The following TFDP1 variants were observed in gnomAD, a reference collection of about 807,000 sequenced individuals.
TFDP1 encodes DRTF1-polypeptide 1.
In TFDP1, 6 loss-of-function variants were observed where a neutral mutation model predicts 48.0. That is an observed-to-expected ratio of 0.13 (90% CI 0.07 to 0.25). The LOEUF (loss-of-function observed/expected upper bound fraction) is 0.25. Ranked by LOEUF, TFDP1 falls within the 10% of genes least tolerant of loss-of-function variation. The probability of loss-of-function intolerance (pLI) is 1.00; values close to 1 mark genes in which losing one functional copy is unlikely to be tolerated. For missense variants in TFDP1, 335 were observed against 543.0 expected (o/e 0.62, Z 3.81); for synonymous variants, 201 against 211.6 (o/e 0.95, Z 0.44).
At chr13:113,622,588 G>A (rs977281896) in intron 3 of TFDP1, among the ~76,000 whole-genome samples, 10 of 152,116 alleles carry the variant, frequency 6.6e-5, no homozygotes, top group Admixed American at 1.3e-4. Flanking sequence ...TTTATCCACC[G>A]CCCTGTCCCT....
intron 2 of TFDP1, among the ~76,000 whole-genome samples, chr13:113,609,286 C>T (rs2048647601): frequency 6.6e-6 from 1 of 152,242 alleles, no homozygotes; most frequent in African/African-American, 2.4e-5. Context: ...CCCCCCTGCA[C>T]ATCCTACCTC....
intron 4 of TFDP1, among the ~76,000 whole-genome samples, chr13:113,630,496 C>T (rs2049306871): frequency 6.6e-6 from 1 of 152,092 alleles, no homozygotes; most frequent in Non-Finnish European, 1.5e-5. Flanking sequence ...GCTGGGGGGG[C>T]CCAGCTTAGA....
chr13:113,602,448 C>CG (rs1357779562), intron 2 of TFDP1, among the ~76,000 whole-genome samples: 3 of 151,454 alleles, frequency 2.0e-5, no homozygotes, highest in African/African-American at 7.3e-5. Context: ...TGGTAGCAGG[C>CG]GGGGCCCATC....
intron 2 of TFDP1, among the ~76,000 whole-genome samples, chr13:113,595,248 T>C (rs989902525): frequency 6.6e-6 from 1 of 152,234 alleles, no homozygotes; most frequent in Non-Finnish European, 1.5e-5. Context: ...CTCTTGGCTC[T>C]GGACTGAACG....
chr13:113,620,662 A>G (rs1009206915), intron 3 of TFDP1, among the ~76,000 whole-genome samples: 8 of 152,228 alleles, frequency 5.3e-5, no homozygotes, highest in South Asian at 2.1e-4. Context: ...TGTGCATCCA[A>G]TCATCACTGG....
rs1277248779 is a variant in TFDP1 at position 113,627,189 on chromosome 13, G to A, written c.186+3903G>A. On this transcript the variant is annotated intron_variant, in intron 4 of 11. Transcript: ENST00000375370. The surrounding 1 kb of genome is among the most constrained non-coding windows in gnomAD (Gnocchi z 4.1). ...TCAGTCCGGGCATGTGAGTGAAAGC[G>A]GTGGGGAGGTCCTTAGGTCTCTGAC... Among the ~76,000 whole-genome samples, 5 of 152,232 alleles carry A rather than the reference G, an allele frequency of 3.3e-5. No individual in the cohort carries two copies. Among genetic ancestry groups the A allele is most frequent in the Non-Finnish European group, 7.3e-5 (5 of 68,042 alleles).
Position 113,640,898 on chromosome 13 carries a change from A to G in TFDP1, c.*631A>G, listed in dbSNP as rs1237898458. 6.5e-6 allele frequency: 1 copy of G among 152,896 alleles called. No homozygotes were observed. Among genetic ancestry groups the G allele is most frequent in the Non-Finnish European group, 1.5e-5 (1 of 68,260 alleles). 9.5% of individuals were successfully genotyped at this position (152,896 alleles called of 1,614,324 possible). The stretch of plus-strand genomic sequence containing the variant: ...ACACTCTTTTCTCTCCCTGTTTTGC[A>G]GCAACAAATTGCGAAGTGCTTTTGT... On this transcript the variant is annotated 3_prime_UTR_variant, in exon 12 of 12. Coordinates refer to ENST00000375370, the MANE Select transcript of TFDP1 (RefSeq NM_007111.5).
chr13:113,628,448 G>A (rs984079831), intron 4 of TFDP1, among the ~76,000 whole-genome samples: 1 of 152,248 alleles, frequency 6.6e-6, no homozygotes, highest in African/African-American at 2.4e-5. Flanking sequence ...AGCGAGAGGC[G>A]GGTGAGGGAG....
intron 2 of TFDP1, among the ~76,000 whole-genome samples, chr13:113,586,520 G>GA (rs1423288580): frequency 6.6e-6 from 1 of 152,236 alleles, no homozygotes; most frequent in Non-Finnish European, 1.5e-5. Flanking sequence ...GTCAGTCACT[G>GA]AAACACCAGC....
intron 2 of TFDP1, among the ~76,000 whole-genome samples, chr13:113,603,451 G>A (rs4150714): frequency 0.014 from 2,096 of 152,314 alleles, 45 homozygotes; most frequent in African/African-American, 0.048. Context: ...TAAAGATGAC[G>A]GCAGTGATAG....
chr13:113,593,606 C>T (rs1335330327), intron 2 of TFDP1, among the ~76,000 whole-genome samples: 6 of 138,314 alleles, frequency 4.3e-5, no homozygotes, highest in Non-Finnish European at 9.2e-5. Context: ...GGTCCTCACC[C>T]TGCCCAGGTG....
At chr13:113,639,961 G>A (rs898363338) in intron 11 of TFDP1, among the ~76,000 whole-genome samples, 159 bp from the exon 12 acceptor site, 2 of 152,352 alleles carry the variant, frequency 1.3e-5, no homozygotes, top group African/African-American at 4.8e-5. Flanking sequence ...GAGCGTTGGC[G>A]TGCTGTAGTG....
At chr13:113,626,573 G>A (rs974187309) in intron 4 of TFDP1, among the ~76,000 whole-genome samples, 8 of 151,632 alleles carry the variant, frequency 5.3e-5, no homozygotes, top group African/African-American at 1.9e-4. Context: ...CTGATTGAGC[G>A]GTTCCAGATC....
chr13:113,640,656 A>T lies in TFDP1; in HGVS notation c.*389A>T. ...GGATGGTGAGCCCCTGATGCCGCTT[A>T]TTTGCCGTGAGTTTGGACGGCACCC... On this transcript the variant is annotated 3_prime_UTR_variant, in exon 12 of 12. Transcript: ENST00000375370. The T allele has an allele frequency of 3.9e-6, 1 of 258,386 alleles. No homozygotes were observed. The allele number at this position is 258,386 out of a possible 1,614,324, so 16.0% of individuals were successfully genotyped here.
intron 2 of TFDP1, among the ~76,000 whole-genome samples, chr13:113,606,235 T>A (rs373357028): frequency 6.7e-6 from 1 of 148,682 alleles, no homozygotes; most frequent in Non-Finnish European, 1.5e-5. Flanking sequence ...GAAGGCCGCG[T>A]GGTGGTGAGT....
At chr13:113,596,981 G>A (rs1417633292) in intron 2 of TFDP1, among the ~76,000 whole-genome samples, 3 of 152,194 alleles carry the variant, frequency 2.0e-5, no homozygotes, top group East Asian at 1.9e-4. Context: ...GTGGGTGGGC[G>A]TCAAACCCCG....
At chr13:113,610,476 C>A (rs138650124) in intron 2 of TFDP1, among the ~76,000 whole-genome samples, 363 of 150,766 alleles carry the variant, frequency 2.4e-3, no homozygotes, top group Middle Eastern at 6.8e-3. Flanking sequence ...ACGTGTGCCC[C>A]CGCTGTGTGG....
At chr13:113,630,397 T>C (rs1594522613) in intron 4 of TFDP1, among the ~76,000 whole-genome samples, 1 of 152,192 alleles carries the variant, frequency 6.6e-6, no homozygotes, top group Non-Finnish European at 1.5e-5. Flanking sequence ...AGCTGACAGG[T>C]GATCTGGCCT....
chr13:113,613,831 C>T (rs2048779732), intron 3 of TFDP1, among the ~76,000 whole-genome samples: 1 of 150,574 alleles, frequency 6.6e-6, no homozygotes, highest in Non-Finnish European at 1.5e-5. Flanking sequence ...TCATGGGTTG[C>T]ATATGTGTTG....
Sources: gnomAD v4.1 joint callset for allele counts (sites outside exome capture counted in the v4.1 genomes callset) on GRCh38, gnomAD v4.1.1 for gene constraint, Gnocchi (gnomAD v3.1) non-coding constraint, MANE v1.5 for transcripts, NCBI Gene and HGNC (gene_info 2026-07-23, HGNC 2026-07-21) for gene names.